Variants in COX7B2 observed in about 807,000 individuals in gnomAD.
The protein encoded by COX7B2 is cytochrome c oxidase subunit 7B2, mitochondrial.
For missense variants in COX7B2, 109 were observed against 95.9 expected (o/e 1.14, Z -0.57); for synonymous variants, 37 against 32.1 (o/e 1.15, Z -0.51).
In COX7B2 at chr4:46,909,234, G is replaced by A. The variant is rs903114274; in HGVS notation, c.-179C>T. On this transcript the variant is annotated 5_prime_UTR_variant, in exon 1 of 3. Coordinates refer to ENST00000355591, the MANE Select transcript of COX7B2 (RefSeq NM_130902.3). ...CCGAACCTTTCCGTTTTACAGCCTG[G>A]AGGGGTCGGGTAAAACAGGTACTTC... is the stretch of plus-strand genomic sequence containing the variant. 2.6e-5 allele frequency: 4 copies of A among 152,156 alleles called. No homozygotes were observed. The highest frequency in any genetic ancestry group is 5.9e-5 in the Non-Finnish European group (4 of 68,040). The allele number at this position is 152,156 out of a possible 1,614,324, so 9.4% of individuals were successfully genotyped here. A position where few individuals can be genotyped will look rare whatever the true frequency, so the allele number is the denominator to read the frequency against.
At chr4:46,884,763 G>C (rs1473952908) in intron 1 of COX7B2, among the ~76,000 whole-genome samples, 1 of 151,944 alleles carries the variant, frequency 6.6e-6, no homozygotes, top group Non-Finnish European at 1.5e-5. Context: ...TTGTCTCCTT[G>C]GCTTAGCAGC....
At chr4:46,823,779 G>T (rs898210046) in intron 2 of COX7B2, among the ~76,000 whole-genome samples, 2 of 150,846 alleles carry the variant, frequency 1.3e-5, no homozygotes, top group African/African-American at 2.4e-5. Context: ...TGAAACTAAA[G>T]CAGAAAACAA....
At chr4:46,781,489 C>T (rs952052925) in intron 2 of COX7B2, among the ~76,000 whole-genome samples, 4 of 152,214 alleles carry the variant, frequency 2.6e-5, no homozygotes, top group Non-Finnish European at 2.9e-5. Context: ...CTTTTCAATC[C>T]TTTCCTACAC....
At chr4:46,813,228 CA>C (rs1405999998) in intron 2 of COX7B2, among the ~76,000 whole-genome samples, 1 of 152,050 alleles carries the variant, frequency 6.6e-6, no homozygotes, top group Non-Finnish European at 1.5e-5. Flanking sequence ...ATCTATTTAC[CA>C]AATTTTCTTT....
chr4:46,800,913 C>A lies in COX7B2; in HGVS notation c.-50+44047G>T, dbSNP rs187904303. Among the ~76,000 whole-genome samples the A allele has an allele frequency of 2.6e-3, 395 of 152,162 alleles. 4 individuals are homozygous for A. The highest frequency in any genetic ancestry group is 2.1e-3 in the East Asian group (11 of 5,180). ...TCTGTGAGGGACTTAAACAACTCAACAAGCAAAAACCAACCCCATTTAAAA... is the reference window on the plus strand; with the variant it reads ...TCTGTGAGGGACTTAAACAACTCAAAAAGCAAAAACCAACCCCATTTAAAA... On this transcript the variant is annotated intron_variant, in intron 2 of 2. Coordinates refer to ENST00000355591, the MANE Select transcript of COX7B2 (RefSeq NM_130902.3).
At chr4:46,788,539 A>C (rs140297175) in intron 2 of COX7B2, among the ~76,000 whole-genome samples, 4 of 152,300 alleles carry the variant, frequency 2.6e-5, no homozygotes, top group African/African-American at 9.6e-5. Flanking sequence ...TGTAAAAAGA[A>C]TTCCTAGCCA....
intron 2 of COX7B2, among the ~76,000 whole-genome samples, chr4:46,763,264 A>T (rs1716334481): frequency 7.0e-6 from 1 of 141,996 alleles, no homozygotes; most frequent in Non-Finnish European, 1.5e-5. Flanking sequence ...ACACACACAC[A>T]ATTGTTTGTT....
At chr4:46,881,114 A>G (rs886323846) in intron 1 of COX7B2, among the ~76,000 whole-genome samples, 12 of 152,102 alleles carry the variant, frequency 7.9e-5, no homozygotes, top group Non-Finnish European at 1.6e-4. Context: ...GAAATCTGAG[A>G]CAGGTCTCAA....
intron 2 of COX7B2, among the ~76,000 whole-genome samples, chr4:46,820,497 C>T (rs1026071365): frequency 1.3e-5 from 2 of 152,094 alleles, no homozygotes; most frequent in African/African-American, 4.8e-5. Flanking sequence ...GTTGGGGATC[C>T]CAGCTCTATC....
intron 2 of COX7B2, among the ~76,000 whole-genome samples, chr4:46,841,335 CTGTGTGTGTGTG>C (rs145768502): frequency 1.4e-4 from 20 of 139,884 alleles, no homozygotes; most frequent in African/African-American, 3.8e-4. Context: ...CAAATGTGCT[CTGTGTGTGTGTG>C]TGTGTGTGTG....
intron 1 of COX7B2, among the ~76,000 whole-genome samples, chr4:46,886,107 G>A (rs370990348): frequency 2.1e-4 from 32 of 152,260 alleles, no homozygotes; most frequent in African/African-American, 7.0e-4. Flanking sequence ...CAATGCCCTT[G>A]AAGGCAGGCA....
chr4:46,888,489 G>T (rs959852837), intron 1 of COX7B2, among the ~76,000 whole-genome samples: 1 of 151,088 alleles, frequency 6.6e-6, no homozygotes, highest in Non-Finnish European at 1.5e-5. Context: ...TGTTGCCCAG[G>T]CTGGAGTGCA....
intron 2 of COX7B2, among the ~76,000 whole-genome samples, chr4:46,767,721 G>A (rs1179552835): frequency 2.6e-5 from 4 of 152,056 alleles, no homozygotes; most frequent in African/African-American, 4.8e-5. Context: ...ACAAGTATGT[G>A]AAAATAAAAC....
At chr4:46,789,318 A>C (rs1400694194) in intron 2 of COX7B2, among the ~76,000 whole-genome samples, 1 of 152,198 alleles carries the variant, frequency 6.6e-6, no homozygotes, top group Admixed American at 6.5e-5. Flanking sequence ...AGTCTATGGA[A>C]TCATAGAATA....
chr4:46,791,329 G>A (rs1364912984), intron 2 of COX7B2, among the ~76,000 whole-genome samples: 1 of 152,124 alleles, frequency 6.6e-6, no homozygotes, highest in Non-Finnish European at 1.5e-5. Context: ...ACATTTTTAA[G>A]TAGAAATAAC....
chr4:46,899,098 T>TA, intron 1 of COX7B2, among the ~76,000 whole-genome samples: 1 of 152,318 alleles, frequency 6.6e-6, no homozygotes, highest in East Asian at 1.9e-4. Context: ...ATTTACCTCT[T>TA]ATACAAAATA....
rs569498660 is a variant in COX7B2, at chr4:46,896,462, TA to T, written c.-105+12697del. ...TATGCTAATAAGTCTACATGTTTCC[TA>T]AAACAATTACACCAGCATTGTAAAA... is the stretch of plus-strand genomic sequence containing the variant. On this transcript the variant is annotated intron_variant, in intron 1 of 2. Transcript: ENST00000355591. 1.1e-4 allele frequency among the ~76,000 whole-genome samples: 17 copies of T among 152,282 alleles called. No individual in the cohort carries two copies. In the South Asian group the frequency reaches 3.3e-3, roughly 30 times the overall value.
chr4:46,833,366 T>A (rs1715289747), intron 2 of COX7B2, among the ~76,000 whole-genome samples: 1 of 152,138 alleles, frequency 6.6e-6, no homozygotes, highest in African/African-American at 2.4e-5. Flanking sequence ...AACAAGAGGA[T>A]GTAACTAGAA....
intron 2 of COX7B2, among the ~76,000 whole-genome samples, chr4:46,740,489 G>A (rs1437151167): frequency 2.0e-5 from 3 of 152,070 alleles, no homozygotes; most frequent in African/African-American, 7.2e-5. Context: ...AATAATTTAA[G>A]ATGGTACAAG....
Sources: gnomAD v4.1 joint callset for allele counts (sites outside exome capture counted in the v4.1 genomes callset) on GRCh38, gnomAD v4.1.1 for gene constraint, MANE v1.5 for transcripts, NCBI Gene and HGNC (gene_info 2026-07-23, HGNC 2026-07-21) for gene names.